PDE1C: variants seen among roughly 807,000 people sequenced by gnomAD.
PDE1C encodes dual specificity calcium/calmodulin-dependent 3',5'-cyclic nucleotide phosphodiesterase 1C.
A neutral mutation model predicts 93.1 loss-of-function variants in PDE1C; 62 were observed. That is an observed-to-expected ratio of 0.67 (90% CI 0.54 to 0.82). PDE1C has a LOEUF of 0.82. PDE1C is among the 40% of genes least tolerant of loss of function. The probability of loss-of-function intolerance (pLI) is 0.00; values close to 1 mark genes in which losing one functional copy is unlikely to be tolerated. For missense variants in PDE1C, 742 were observed against 884.6 expected (o/e 0.84, Z 2.04); for synonymous variants, 325 against 310.1 (o/e 1.05, Z -0.50).
chr7:31,932,916 G>A (rs953144585), intron 2 of PDE1C, among the ~76,000 whole-genome samples: 2 of 152,232 alleles, frequency 1.3e-5, no homozygotes, highest in South Asian at 2.1e-4. Flanking sequence ...TTCTTTGCAA[G>A]GACGTGGATG....
At chr7:32,101,253 T>A (rs1019092187) in intron 3 of PDE1C, among the ~76,000 whole-genome samples, 18 of 152,152 alleles carry the variant, frequency 1.2e-4, no homozygotes, top group East Asian at 5.8e-4. Flanking sequence ...ATGATAAAAA[T>A]TTGATTTGGG....
intron 1 of PDE1C, among the ~76,000 whole-genome samples, chr7:32,332,730 G>A (rs193104923): frequency 1.4e-4 from 21 of 152,286 alleles, no homozygotes; most frequent in African/African-American, 4.8e-4. Context: ...AAATGCACTA[G>A]ACAATAACAT....
chr7:31,711,042 C>A, the PDE1C span, among the ~76,000 whole-genome samples: 2 of 152,178 alleles, frequency 1.3e-5, no homozygotes, highest in African/African-American at 4.8e-5. Context: ...AGTAGCAGGT[C>A]CTTCCAGCAA....
chr7:32,047,710 G>GT (rs142851849), intron 2 of PDE1C, among the ~76,000 whole-genome samples: 3,788 of 149,302 alleles, frequency 0.025, 77 homozygotes, highest in East Asian at 0.052. Flanking sequence ...AAAGCTGTGG[G>GT]TTTTTTTTTT....
At position 31,838,108 on chromosome 7, in the gene PDE1C, T is replaced by G; in HGVS notation, c.981-137A>C. On this transcript the variant is annotated intron_variant, in intron 9 of 17. Transcript: ENST00000396191. ...TCTAATCTAATTTGGGTCTTTAAGG[T>G]GAGCTTTTCAAATAAGGAATAAATG... is the stretch of plus-strand genomic sequence containing the variant. 3 of 646,268 alleles carry G rather than the reference T, an allele frequency of 4.6e-6. No homozygotes were observed. In the South Asian group the frequency reaches 5.6e-5, roughly 12 times the overall value. 40.0% of individuals were successfully genotyped at this position (646,268 alleles called of 1,614,324 possible). A position where few individuals can be genotyped will look rare whatever the true frequency, so the allele number is the denominator to read the frequency against.
chr7:32,426,043 C>A (rs973376556), intron 1 of PDE1C, among the ~76,000 whole-genome samples: 1 of 152,094 alleles, frequency 6.6e-6, no homozygotes, highest in African/African-American at 2.4e-5. Context: ...CTCCCACACA[C>A]AAAAAATATA....
At chr7:31,700,155 G>T in the PDE1C span, among the ~76,000 whole-genome samples, 1 of 152,152 alleles carries the variant, frequency 6.6e-6, no homozygotes, top group Admixed American at 6.5e-5. Context: ...CTGAAAATTA[G>T]GTCTCTTGTA....
chr7:32,065,604 G>A (rs1267876379), intron 1 of PDE1C, among the ~76,000 whole-genome samples: 2 of 152,184 alleles, frequency 1.3e-5, no homozygotes, highest in Non-Finnish European at 2.9e-5. Flanking sequence ...CCAGGGCTTA[G>A]CAAACTGACT....
chr7:31,819,960 G>T (rs970862505), intron 14 of PDE1C, among the ~76,000 whole-genome samples: 1 of 152,104 alleles, frequency 6.6e-6, no homozygotes, highest in African/African-American at 2.4e-5. Context: ...AAAGAAAGGT[G>T]CTTCTAGACA....
the PDE1C span, among the ~76,000 whole-genome samples, chr7:31,725,383 G>A: frequency 3.3e-5 from 5 of 152,184 alleles, no homozygotes; most frequent in Non-Finnish European, 7.3e-5. Flanking sequence ...ACCATCAAAA[G>A]GATGAGACCC....
chr7:32,257,349 G>C (rs149076863), intron 1 of PDE1C, among the ~76,000 whole-genome samples: 4 of 152,294 alleles, frequency 2.6e-5, no homozygotes, highest in African/African-American at 7.2e-5. Flanking sequence ...CCTTGGAACA[G>C]AGCAAAGGCG....
intron 2 of PDE1C, among the ~76,000 whole-genome samples, chr7:31,883,924 G>A (rs1322622881): frequency 6.6e-6 from 1 of 152,226 alleles, no homozygotes; most frequent in Non-Finnish European, 1.5e-5. Flanking sequence ...TATGCATTCA[G>A]TGTGAAGTTC....
the PDE1C span, among the ~76,000 whole-genome samples, chr7:31,745,120 A>C: frequency 6.6e-6 from 1 of 152,196 alleles, no homozygotes; most frequent in African/African-American, 2.4e-5. Context: ...CTCTCTCTTC[A>C]TCTATGGATG....
chr7:31,705,492 T>A, the PDE1C span, among the ~76,000 whole-genome samples: 5 of 152,324 alleles, frequency 3.3e-5, no homozygotes, highest in South Asian at 1.0e-3. Flanking sequence ...CATAAGTGAT[T>A]TATGCAAAAG....
At position 31,841,227 on chromosome 7, in the gene PDE1C, C is replaced by CTATATATA. The variant is rs1554361935; in HGVS notation, c.981-3264_981-3257dup. On this transcript the variant is annotated intron_variant, in intron 9 of 17. Transcript: ENST00000396191. Reference sequence around the variant, plus strand: ...TCTCTCTGTCTCTCTCTCTCTCTCTCTATATATATATATATATGTATATGT... The same window carrying CTATATATA: ...TCTCTCTGTCTCTCTCTCTCTCTCTCTATATATATATATATATATATATATGTATATGT... 3.6e-3 allele frequency among the ~76,000 whole-genome samples: 518 copies of CTATATATA among 142,274 alleles called. 8 individuals are homozygous for CTATATATA. Among genetic ancestry groups the CTATATATA allele is most frequent in the Admixed American group, 0.022 (304 of 13,866 alleles). 93.3% of individuals were successfully genotyped at this position (142,274 alleles called of 152,430 possible). A position where few individuals can be genotyped will look rare whatever the true frequency, so the allele number is the denominator to read the frequency against.
At chr7:31,967,959 CA>C (rs1247694223) in intron 2 of PDE1C, among the ~76,000 whole-genome samples, 3 of 152,168 alleles carry the variant, frequency 2.0e-5, no homozygotes, top group South Asian at 2.1e-4. Flanking sequence ...GCACGTATCT[CA>C]AAATAATAAG....
chr7:31,753,500 A>G lies in PDE1C; in HGVS notation c.2014T>C (p.Tyr672His). ...FKRPAYASSS[Y>H]APSVSKKTDE... ...GTTTTCTTTGAGACTGAAGGTGCAT[A>G]GGAGCTAGATGCGTAAGCAGGGCGT... The change falls in exon 18 of 18, where the codon TAT (tyrosine) becomes CAT (histidine). Residue 672 changes from tyrosine (Y) to histidine (H), a missense_variant. Transcript: ENST00000396191. The G allele has an allele frequency of 6.2e-7, 1 of 1,612,564 alleles. No individual in the cohort carries two copies.
At chr7:31,671,593 C>T in the PDE1C span, among the ~76,000 whole-genome samples, 1 of 152,130 alleles carries the variant, frequency 6.6e-6, no homozygotes, top group Admixed American at 6.5e-5. Context: ...CCCCTCCAAA[C>T]TGGGTACACT....
At chr7:31,742,557 C>G in the PDE1C span, among the ~76,000 whole-genome samples, 54 of 152,270 alleles carry the variant, frequency 3.5e-4, 1 homozygote, top group Middle Eastern at 3.4e-3. Flanking sequence ...TTTTCTAAAG[C>G]AGCACTTGCC....
Sources: allele counts gnomAD v4.1 joint callset (sites outside exome capture counted in the v4.1 genomes callset), GRCh38; gene constraint gnomAD v4.1.1; transcripts MANE v1.5; gene names NCBI Gene and HGNC (gene_info 2026-07-23, HGNC 2026-07-21).